DYNC2H1: variants seen among roughly 807,000 people sequenced by gnomAD.
The protein encoded by DYNC2H1 is cytoplasmic dynein 2 heavy chain 1.
DYNC2H1 carries 410 observed loss-of-function variants against 570.0 expected under a neutral mutation model. The ratio of observed to expected loss-of-function variants is 0.72; its 90% CI spans 0.66 to 0.78. The LOEUF (loss-of-function observed/expected upper bound fraction) is 0.78. Among genes scored for constraint, DYNC2H1 ranks in the 30% least tolerant of loss-of-function variants. The pLI is 0.00. For missense variants in DYNC2H1, 4,865 were observed against 5,046.4 expected, an observed-to-expected ratio of 0.96 and a Z score of 1.09; for synonymous variants, 1,688 against 1,677.6, an observed-to-expected ratio of 1.01 and a Z score of -0.15.
intron 78 of DYNC2H1, among the ~76,000 whole-genome samples, chr11:103,311,585 T>TG (rs1306492035): frequency 6.9e-6 from 1 of 145,226 alleles, no homozygotes; most frequent in African/African-American, 2.6e-5. Flanking sequence ...TTAGTGTCAG[T>TG]GGGAAAAAAA....
intron 20 of DYNC2H1, among the ~76,000 whole-genome samples, chr11:103,150,805 T>A (rs1379092034): frequency 6.6e-6 from 1 of 152,072 alleles, no homozygotes; most frequent in African/African-American, 2.4e-5. Context: ...GAGATTGTAG[T>A]GTCACAAAAG....
intron 84 of DYNC2H1, among the ~76,000 whole-genome samples, chr11:103,420,321 C>T (rs1269868872): frequency 6.6e-6 from 1 of 152,034 alleles, no homozygotes; most frequent in Non-Finnish European, 1.5e-5. Flanking sequence ...ACAAGAAGAT[C>T]AACCCCAAGA....
chr11:103,237,936 T>C (rs1383683776), intron 63 of DYNC2H1, among the ~76,000 whole-genome samples: 2 of 152,194 alleles, frequency 1.3e-5, no homozygotes, highest in African/African-American at 4.8e-5. Context: ...ATTTACTTTG[T>C]ATTTAACATT....
rs950614195 is a variant in DYNC2H1, at chr11:103,143,152, T to A, written c.2575-116T>A. The A allele has an allele frequency of 7.7e-6, 8 of 1,041,102 alleles. No individual in the cohort carries two copies. In the African/African-American group the frequency reaches 1.1e-4, roughly 15 times the overall value. The allele number at this position is 1,041,102 out of a possible 1,614,324, so 64.5% of individuals were successfully genotyped here. A position where few individuals can be genotyped will look rare whatever the true frequency, so the allele number is the denominator to read the frequency against. On this transcript the variant is annotated intron_variant, in intron 17 of 88. Coordinates refer to ENST00000375735, the MANE Select transcript of DYNC2H1 (RefSeq NM_001377.3). ...ATGATTATATTACTTAAATTGACAC[T>A]TGAATACCTCATATTTTCCTCTTTT...
chr11:103,261,737 G>T lies in DYNC2H1; in HGVS notation c.10695+1760G>T, dbSNP rs1319875052. Among the ~76,000 whole-genome samples, 3 of 152,182 alleles carry T rather than the reference G, an allele frequency of 2.0e-5. No homozygotes were observed. The highest frequency in any genetic ancestry group is 2.9e-5 in the Non-Finnish European group (2 of 68,040). ...CAAAGGTAGATAAATCCACGAAGAT[G>T]AGGAAAAACCAGCGCAAAAAGACTG... is the stretch of plus-strand genomic sequence containing the variant. On this transcript the variant is annotated intron_variant, in intron 70 of 88. Coordinates refer to ENST00000375735, the MANE Select transcript of DYNC2H1 (RefSeq NM_001377.3). The surrounding 1 kb of genome is among the most constrained non-coding windows in gnomAD (Gnocchi z 4.8).
Position 103,186,332 on chromosome 11 carries a change from G to A in DYNC2H1, c.6724G>A (p.Val2242Met), listed in dbSNP as rs1310465382. 1.2e-6 allele frequency: 2 copies of A among 1,612,640 alleles called. No homozygotes were observed. The highest frequency in any genetic ancestry group is 1.7e-5 in the Admixed American group (1 of 59,814). ...TACTAGGGGTCGATTAGCAACATATGTGCTTAAGAAGCCAGAAGACTTGAC... is the reference window on the plus strand; with the variant it reads ...TACTAGGGGTCGATTAGCAACATATATGCTTAAGAAGCCAGAAGACTTGAC... The part of the protein sequence containing the change: ...DSTRGRLATY[V>M]LKKPEDLTAD... The change falls in exon 42 of 89, where the codon GTG (valine) becomes ATG (methionine). Residue 2242 changes from valine to methionine, a missense_variant. By Grantham distance (21) the Val-to-Met change is conservative. Around this residue, in one of 5 missense-constraint regions of DYNC2H1, gnomAD observed 2,401 missense variants for 2,454.6 expected, o/e 0.98. Coordinates refer to ENST00000375735, the MANE Select transcript of DYNC2H1 (RefSeq NM_001377.3). The surrounding 1 kb of genome is among the most constrained non-coding windows in gnomAD (Gnocchi z 4.5).
At chr11:103,333,810 G>T (rs1203749194) in intron 82 of DYNC2H1, among the ~76,000 whole-genome samples, 1 of 152,076 alleles carries the variant, frequency 6.6e-6, no homozygotes, top group Non-Finnish European at 1.5e-5. Flanking sequence ...ATCATTTAAG[G>T]ACCATAGAAA....
chr11:103,379,861 T>C (rs967755142), intron 83 of DYNC2H1, among the ~76,000 whole-genome samples: 3 of 152,216 alleles, frequency 2.0e-5, no homozygotes, highest in African/African-American at 7.2e-5. Flanking sequence ...CCCTTCTGTG[T>C]TTCTAGTACC....
chr11:103,422,924 A>G (rs896841105), intron 84 of DYNC2H1, among the ~76,000 whole-genome samples: 2 of 152,158 alleles, frequency 1.3e-5, no homozygotes, highest in African/African-American at 2.4e-5. Flanking sequence ...ACATGATCCT[A>G]TATCTAGAAA....
At chr11:103,110,348 A>G (rs551270309) in intron 1 of DYNC2H1, among the ~76,000 whole-genome samples, 6 of 152,200 alleles carry the variant, frequency 3.9e-5, no homozygotes, top group African/African-American at 1.2e-4. Flanking sequence ...CAGATACGTT[A>G]TAACTAAAAA....
rs1943881908 is a variant in DYNC2H1, at chr11:103,431,242, CT to C, written c.12367-4698del. On this transcript the variant is annotated intron_variant, in intron 84 of 88. Coordinates refer to ENST00000375735, the MANE Select transcript of DYNC2H1 (RefSeq NM_001377.3). ...AAAAAAAAAAAAAAAAACTAAAAAACTTTAAGATTAAACTTACTGTAAGCCT... is the reference window on the plus strand; with the variant it reads ...AAAAAAAAAAAAAAAAACTAAAAAACTTAAGATTAAACTTACTGTAAGCCT... Among the ~76,000 whole-genome samples the C allele has an allele frequency of 2.8e-5, 4 of 143,292 alleles. No individual in the cohort carries two copies. The South Asian group carries it at 9.1e-4, about 33-fold the overall frequency. The allele number at this position is 143,292 out of a possible 152,430, so 94.0% of individuals were successfully genotyped here.
At chr11:103,193,590 C>A (rs1407101477) in intron 47 of DYNC2H1, among the ~76,000 whole-genome samples, 1 of 151,264 alleles carries the variant, frequency 6.6e-6, no homozygotes, top group Non-Finnish European at 1.5e-5. Flanking sequence ...GTTGCCCAGG[C>A]TGGAGCGCAA....
chr11:103,468,726 A>G (rs377058829), intron 88 of DYNC2H1, 21 bp downstream of exon 88: 2 of 1,536,994 alleles, frequency 1.3e-6, no homozygotes, highest in Non-Finnish European at 1.8e-6. Flanking sequence ...TTTAACAAGC[A>G]CAAGTTTTAA....
intron 88 of DYNC2H1, among the ~76,000 whole-genome samples, chr11:103,478,358 A>T (rs1003631154): frequency 6.6e-6 from 1 of 152,246 alleles, no homozygotes; most frequent in Non-Finnish European, 1.5e-5. Context: ...AAGGAATGAT[A>T]GATTACCCCT....
intron 84 of DYNC2H1, among the ~76,000 whole-genome samples, chr11:103,435,433 A>G (rs1256785907): frequency 6.6e-6 from 1 of 152,138 alleles, no homozygotes; most frequent in Non-Finnish European, 1.5e-5. Flanking sequence ...GTCAAATATT[A>G]GATAACTTTT....
chr11:103,444,649 G>C (rs1227960348), intron 85 of DYNC2H1, among the ~76,000 whole-genome samples: 1 of 152,162 alleles, frequency 6.6e-6, no homozygotes, highest in Non-Finnish European at 1.5e-5. Flanking sequence ...AGTGGGTTGG[G>C]GAAGGTAACA....
chr11:103,386,711 T>C (rs1403859566), intron 83 of DYNC2H1, among the ~76,000 whole-genome samples: 2 of 152,290 alleles, frequency 1.3e-5, no homozygotes, highest in East Asian at 3.9e-4. Context: ...ACATGTGTTC[T>C]CATTGTTCAA....
Position 103,163,031 on chromosome 11 carries a change from TG to T in DYNC2H1, c.4497del (p.Trp1499CysfsTer2). 6.2e-7 allele frequency: 1 copy of T among 1,610,372 alleles called. No homozygotes were observed. The highest frequency in any genetic ancestry group is 8.5e-7 in the Non-Finnish European group (1 of 1,177,754). ...TATTTTCCAATTTCTTTTTCAGACA[TG>T]GTTGAATGATTTGGCCTTAGAAATG... ...KVPLSNNVETWLNDLALEMKK... is the reference protein window; with the variant it reads ...KVPLSNNVETXLNDLALEMKK... On this transcript the variant is annotated frameshift_variant, in exon 30 of 89. Coordinates refer to ENST00000375735, the MANE Select transcript of DYNC2H1 (RefSeq NM_001377.3). LOFTEE classifies it high-confidence loss of function. This position sits in a 1 kb window ranked among gnomAD's most constrained non-coding sequence, Gnocchi z 4.6.
chr11:103,244,871 T>C lies in DYNC2H1; in HGVS notation c.9919-380T>C, dbSNP rs1200193035. 6.6e-6 allele frequency among the ~76,000 whole-genome samples: 1 copy of C among 150,976 alleles called. No homozygotes were observed. Among genetic ancestry groups the C allele is most frequent in the African/African-American group, 2.4e-5 (1 of 41,234 alleles). ...ATATGTACACACACACATATATATA[T>C]ACACACACATACCACACATACACAC... On this transcript the variant is annotated intron_variant, in intron 64 of 88. Coordinates refer to ENST00000375735, the MANE Select transcript of DYNC2H1 (RefSeq NM_001377.3). This position sits in a 1 kb window ranked among gnomAD's most constrained non-coding sequence, Gnocchi z 4.3.
Sources: gnomAD v4.1 joint callset for allele counts (sites outside exome capture counted in the v4.1 genomes callset) on GRCh38, gnomAD v4.1.1 for gene constraint, gnomAD v4.1.1 regional missense constraint, Gnocchi (gnomAD v3.1) non-coding constraint, MANE v1.5 for transcripts, NCBI Gene and HGNC (gene_info 2026-07-23, HGNC 2026-07-21) for gene names.